TMEM260: variants seen among roughly 807,000 people sequenced by gnomAD.
TMEM260 encodes the protein protein O-mannosyl-transferase TMEM260.
TMEM260 carries 82 observed loss-of-function variants against 88.9 expected under a neutral mutation model. That is an observed-to-expected ratio of 0.92 (90% CI 0.77 to 1.11). The LOEUF is 1.11. Among genes scored for constraint, TMEM260 ranks in the 50% least tolerant of loss-of-function variants. The pLI, the probability that TMEM260 is intolerant of heterozygous loss-of-function variation, is 0.00. For missense variants in TMEM260, 902 were observed against 853.4 expected (o/e 1.06, Z -0.71); for synonymous variants, 314 against 309.3 (o/e 1.02, Z -0.16).
chr14:56,634,854 A>G, intron 13 of TMEM260, 45 bp from the exon 14 acceptor site: 1 of 1,579,622 alleles, frequency 6.3e-7, no homozygotes, highest in Non-Finnish European at 8.6e-7. Context: ...AAAAAAAAAA[A>G]AAAGTGGGTG....
intron 12 of TMEM260, 54 bp downstream of exon 12, chr14:56,625,584 T>G: frequency 1.4e-6 from 2 of 1,472,436 alleles, no homozygotes; most frequent in Non-Finnish European, 1.9e-6. Flanking sequence ...TTTTCTAAAA[T>G]TGTTTCTGTA....
In TMEM260 at chr14:56,636,502, C is replaced by T. The variant is rs751843439; in HGVS notation, c.1779-6C>T. On this transcript the variant is annotated splice_polypyrimidine_tract_variant and splice_region_variant and intron_variant, in intron 14 of 15. Transcript: ENST00000261556. ...TTTTAATGAAGGTTCCTATCCCCACCCCCAGGATGAAAACACCGTTCTTCA... is the reference window on the plus strand; with the variant it reads ...TTTTAATGAAGGTTCCTATCCCCACTCCCAGGATGAAAACACCGTTCTTCA... 3.7e-6 allele frequency: 6 copies of T among 1,613,458 alleles called. No individual in the cohort carries two copies. In the South Asian group the frequency reaches 6.6e-5, roughly 18 times the overall value.
Position 56,636,589 on chromosome 14 carries a change from A to G in TMEM260, c.1860A>G (p.Gln620=), listed in dbSNP as rs1889103009. The G allele has an allele frequency of 6.2e-7, 1 of 1,613,866 alleles. No homozygotes were observed. The highest frequency in any genetic ancestry group is 8.5e-7 in the Non-Finnish European group (1 of 1,179,790). The change falls in exon 15 of 16, where the codon CAA becomes CAG. Residue 620 remains glutamine (Q), a synonymous_variant. Transcript: ENST00000261556. The stretch of plus-strand genomic sequence containing the variant: ...AAGTGAAAGCTCAACTCTACGCTCA[A>G]GCATATGACGTATGTTACACTTTTA... ...PSKVKAQLYA[Q]AYDLYKEIVY...
At chr14:56,611,398 A>T (rs1225564714) in intron 6 of TMEM260, among the ~76,000 whole-genome samples, 1 of 152,246 alleles carries the variant, frequency 6.6e-6, no homozygotes, top group Non-Finnish European at 1.5e-5. Context: ...TACATTTAAA[A>T]CCTGTGTCTT....
At chr14:56,644,841 A>G (rs1287295389) in intron 15 of TMEM260, among the ~76,000 whole-genome samples, 1 of 152,218 alleles carries the variant, frequency 6.6e-6, no homozygotes, top group Non-Finnish European at 1.5e-5. Flanking sequence ...TGAAGGATAT[A>G]AACAGACACT....
At chr14:56,643,395 C>G (rs1462843546) in intron 15 of TMEM260, among the ~76,000 whole-genome samples, 3 of 152,072 alleles carry the variant, frequency 2.0e-5, no homozygotes, top group Non-Finnish European at 2.9e-5. Flanking sequence ...ATAAACAGAA[C>G]CAAAGACAAA....
intron 8 of TMEM260, among the ~76,000 whole-genome samples, chr14:56,616,974 C>T (rs984409173): frequency 3.9e-5 from 6 of 152,034 alleles, no homozygotes; most frequent in African/African-American, 1.4e-4. Flanking sequence ...AGCTTTATAT[C>T]CTTTACTGCG....
chr14:56,638,781 G>C (rs1014347025), intron 15 of TMEM260, among the ~76,000 whole-genome samples: 57 of 152,138 alleles, frequency 3.7e-4, no homozygotes, highest in African/African-American at 1.3e-3. Flanking sequence ...TTAAGTTCAG[G>C]TGACATCAGG....
intron 12 of TMEM260, among the ~76,000 whole-genome samples, chr14:56,630,958 C>T (rs1014789891): frequency 6.6e-6 from 1 of 152,096 alleles, no homozygotes; most frequent in African/African-American, 2.4e-5. Context: ...CATGTGTGTG[C>T]TACTGTTACT....
downstream of TMEM260, among the ~76,000 whole-genome samples, chr14:56,652,286 G>A (rs546948499): frequency 3.0e-4 from 45 of 152,070 alleles, no homozygotes; most frequent in South Asian, 7.7e-3. Context: ...GCTTGAGTCC[G>A]AGAGTTTGAG....
downstream of TMEM260, among the ~76,000 whole-genome samples, chr14:56,654,801 C>T (rs1231492779): frequency 2.1e-5 from 2 of 95,012 alleles, no homozygotes; most frequent in Non-Finnish European, 3.8e-5. Context: ...GCAACAAGAG[C>T]GAAACTCCAT....
intron 3 of TMEM260, among the ~76,000 whole-genome samples, chr14:56,601,455 G>A (rs111365751): frequency 2.6e-5 from 4 of 152,234 alleles, no homozygotes; most frequent in African/African-American, 9.6e-5. Context: ...TTTTGGTCCT[G>A]TGGTTAAGAT....
chr14:56,635,719 A>G (rs1218254855), intron 14 of TMEM260, among the ~76,000 whole-genome samples: 1 of 152,156 alleles, frequency 6.6e-6, no homozygotes, highest in African/African-American at 2.4e-5. Flanking sequence ...GCAAAAATGT[A>G]TTGATGTCCA....
At position 56,625,867 on chromosome 14, in the gene TMEM260, C is replaced by T. The variant is rs12895602; in HGVS notation, c.1547+337C>T. On this transcript the variant is annotated intron_variant, in intron 12 of 15. Coordinates refer to ENST00000261556, the MANE Select transcript of TMEM260 (RefSeq NM_017799.4). ...ATAGTTCCCCTGATCAACACTATGGCCCCCCTTTTAAGTGTAAAGCAAATG... is the reference window on the plus strand; with the variant it reads ...ATAGTTCCCCTGATCAACACTATGGTCCCCCTTTTAAGTGTAAAGCAAATG... 7.1e-3 allele frequency among the ~76,000 whole-genome samples: 1,075 copies of T among 152,202 alleles called. 11 individuals are homozygous for T. Among genetic ancestry groups the T allele is most frequent in the Middle Eastern group, 0.017 (5 of 294 alleles).
intron 3 of TMEM260, among the ~76,000 whole-genome samples, chr14:56,597,286 A>T (rs1021874020): frequency 2.6e-5 from 4 of 152,218 alleles, no homozygotes; most frequent in African/African-American, 4.8e-5. Context: ...TGGATTTCAG[A>T]TTTTCTAATT....
intron 3 of TMEM260, among the ~76,000 whole-genome samples, chr14:56,588,362 T>A (rs1885641714): frequency 6.6e-6 from 1 of 152,084 alleles, no homozygotes. Flanking sequence ...CTTCTGTACC[T>A]TTTAAACAAA....
chr14:56,581,365 T>G (rs1179634517), intron 1 of TMEM260, among the ~76,000 whole-genome samples: 1 of 152,204 alleles, frequency 6.6e-6, no homozygotes, highest in African/African-American at 2.4e-5. Context: ...ATTGTTACCT[T>G]TCTTCTTTCA....
chr14:56,609,754 A>T (rs570242012), intron 6 of TMEM260, among the ~76,000 whole-genome samples: 1 of 152,324 alleles, frequency 6.6e-6, no homozygotes, highest in South Asian at 2.1e-4. Context: ...CTCAAGACAT[A>T]TCTGTAAATG....
intron 5 of TMEM260, among the ~76,000 whole-genome samples, chr14:56,608,496 A>G (rs756443201): frequency 9.9e-5 from 15 of 152,220 alleles, no homozygotes; most frequent in Non-Finnish European, 1.8e-4. Context: ...ATGAAGCAGC[A>G]TTGTTATAAC....
Sources: gnomAD v4.1 joint callset for allele counts (sites outside exome capture counted in the v4.1 genomes callset) on GRCh38, gnomAD v4.1.1 for gene constraint, MANE v1.5 for transcripts, NCBI Gene and HGNC (gene_info 2026-07-23, HGNC 2026-07-21) for gene names.